TXLNG: variants seen among roughly 807,000 people sequenced by gnomAD.
The protein encoded by TXLNG is taxilin gamma.
TXLNG carries 5 observed loss-of-function variants against 38.8 expected under a neutral mutation model. The ratio of observed to expected loss-of-function variants is 0.13; its 90% CI spans 0.07 to 0.27. The LOEUF is 0.27. Ranked by LOEUF, TXLNG falls within the 10% of genes least tolerant of loss-of-function variation. TXLNG has a pLI of 1.00. For synonymous variants in TXLNG, 182 were observed against 158.2 expected (o/e 1.15, Z -1.13); for missense variants, 393 against 398.2 (o/e 0.99, Z 0.11).
intron 1 of TXLNG, among the ~76,000 whole-genome samples, chrX:16,812,396 CTT>C (rs58240070): frequency 1.6e-3 from 140 of 86,660 alleles, no homozygotes; most frequent in African/African-American, 3.3e-3. Context: ...ATATTTATTC[CTT>C]TTTTTTTTTT....
chrX:16,832,808 T>C (rs183843522), intron 6 of TXLNG, 66 bp downstream of exon 6: 2 of 1,126,237 alleles, frequency 1.8e-6, no homozygotes, highest in African/African-American at 3.7e-5. Flanking sequence ...ATTTGAAACA[T>C]CAAATTGTAA....
chrX:16,818,708 A>G lies in TXLNG; in HGVS notation c.237A>G (p.Ser79=). The G allele has an allele frequency of 8.3e-7, 1 of 1,212,008 alleles. No individual in the cohort carries two copies. The highest frequency in any genetic ancestry group is 1.8e-5 in the South Asian group (1 of 57,017). ...GTGGTGGCACAAGTAACAAGCATTC[A>G]TTGGAAGAGGATGAAGGCAGTGACT... The part of the protein sequence containing the change: ...SNCGGTSNKH[S]LEEDEGSDFI... Residue 79 remains serine, a synonymous_variant, in exon 2 of 10, where the codon TCA becomes TCG. Coordinates refer to ENST00000380122, the MANE Select transcript of TXLNG (RefSeq NM_018360.3).
intron 3 of TXLNG, among the ~76,000 whole-genome samples, chrX:16,820,800 C>T (rs912590855): frequency 2.7e-5 from 3 of 112,318 alleles, no homozygotes; most frequent in South Asian, 3.6e-4. Context: ...GACGGAGTCT[C>T]GCCTGTGGTC....
chrX:16,837,615 T>C lies in TXLNG; in HGVS notation c.1082T>C (p.Phe361Ser). 8.3e-7 allele frequency: 1 copy of C among 1,207,210 alleles called. No homozygotes were observed. The highest frequency in any genetic ancestry group is 1.1e-6 in the Non-Finnish European group (1 of 892,530). Residue 361 changes from phenylalanine to serine, a missense_variant, in exon 8 of 10, where the codon TTT becomes TCT. Coordinates refer to ENST00000380122, the MANE Select transcript of TXLNG (RefSeq NM_018360.3). Reference protein sequence around the residue: ...KQQLSLYMDKFEEFQTTMAKS... With the variant: ...KQQLSLYMDKSEEFQTTMAKS... ...TAGCTTTCTCTTTATATGGATAAGTTTGAAGAATTCCAGACTACCATGGCA... is the reference window on the plus strand; with the variant it reads ...TAGCTTTCTCTTTATATGGATAAGTCTGAAGAATTCCAGACTACCATGGCA...
chrX:16,832,851 C>A (rs900922539), intron 6 of TXLNG, 109 bp downstream of exon 6: 1 of 995,215 alleles, frequency 1.0e-6, no homozygotes, highest in Admixed American at 3.1e-5. Context: ...TCTATTCTAC[C>A]TTTAATGTAG....
At chrX:16,797,175 T>C (rs1420119779) in intron 1 of TXLNG, among the ~76,000 whole-genome samples, 1 of 108,950 alleles carries the variant, frequency 9.2e-6, no homozygotes, top group Non-Finnish European at 1.9e-5. Context: ...TCCCAGCTAC[T>C]TGGGAGGCTG....
chrX:16,803,861 A>G (rs912242073), intron 1 of TXLNG, among the ~76,000 whole-genome samples: 2 of 109,871 alleles, frequency 1.8e-5, no homozygotes, highest in Non-Finnish European at 3.8e-5. Flanking sequence ...CTGAGGCAGG[A>G]GAATCGCTTG....
intron 7 of TXLNG, 28 bp from the exon 8 acceptor site, chrX:16,837,565 A>T: frequency 3.6e-6 from 4 of 1,102,666 alleles, no homozygotes; most frequent in Non-Finnish European, 4.9e-6. Flanking sequence ...CATGGAACTC[A>T]GAATGTTTCA....
Position 16,841,442 on chromosome X carries a change from TAA to T in TXLNG, c.1265_1266del (p.Lys422ArgfsTer25). The stretch of plus-strand genomic sequence containing the variant: ...TTTTCTTACAGAAAACAGTCCGTGA[TAA>T]AGAGTACAAGGCCCTTCAAATAAAA... ...QMAEEKTVRD[K>X]EYKALQIKLE... On this transcript the variant is annotated frameshift_variant, in exon 10 of 10. Coordinates refer to ENST00000380122, the MANE Select transcript of TXLNG (RefSeq NM_018360.3). LOFTEE classifies it low-confidence loss of function (END_TRUNC). 8.3e-7 allele frequency: 1 copy of T among 1,202,725 alleles called. No homozygotes were observed. The highest frequency in any genetic ancestry group is 1.1e-6 in the Non-Finnish European group (1 of 891,551).
At chrX:16,790,491 C>T (rs1452681539) in intron 1 of TXLNG, among the ~76,000 whole-genome samples, 1 of 111,435 alleles carries the variant, frequency 9.0e-6, no homozygotes, top group Non-Finnish European at 1.9e-5. Flanking sequence ...TATGAGCCAC[C>T]ACACCTGGCC....
chrX:16,837,770 C>A (rs764896567), intron 8 of TXLNG, 85 bp downstream of exon 8: 4 of 726,733 alleles, frequency 5.5e-6, no homozygotes, highest in Admixed American at 3.6e-5. Flanking sequence ...TGCTGAGTTT[C>A]CTTTGTTATG....
chrX:16,834,420 A>G (rs911028596), intron 7 of TXLNG, 63 bp downstream of exon 7: 7 of 1,003,247 alleles, frequency 7.0e-6, no homozygotes, highest in African/African-American at 5.7e-5. Context: ...TTGATTCTGC[A>G]TATCTTCAAT....
intron 1 of TXLNG, among the ~76,000 whole-genome samples, chrX:16,794,483 CA>C (rs778196860): frequency 1.2e-4 from 13 of 111,584 alleles, no homozygotes; most frequent in Admixed American, 1.1e-3. Flanking sequence ...ACAGTACCTC[CA>C]AGTGTAATTT....
In TXLNG at chrX:16,829,613, G is replaced by C. The variant is rs1428973270; in HGVS notation, c.707G>C (p.Arg236Pro). 4 of 1,209,799 alleles carry C rather than the reference G, an allele frequency of 3.3e-6. No homozygotes were observed. The highest frequency in any genetic ancestry group is 4.5e-6 in the Non-Finnish European group (4 of 895,229). ...CAGCAGGCACGAGAGGAAGAAGAAC[G>C]ACGTAAAGAAGCAACTGCACATTTC... ...NMQQAREEEE[R>P]RKEATAHFQI... Residue 236 changes from arginine (R) to proline (P), a missense_variant, in exon 5 of 10, where the codon CGA becomes CCA. Transcript: ENST00000380122.
intron 4 of TXLNG, among the ~76,000 whole-genome samples, chrX:16,828,513 C>T (rs181694373): frequency 7.0e-4 from 79 of 112,124 alleles, no homozygotes; most frequent in Non-Finnish European, 1.3e-3. Context: ...CGGGAATCTA[C>T]GCTCAAGGCC....
chrX:16,841,526 T>C lies in TXLNG; in HGVS notation c.1347T>C (p.Asn449=), dbSNP rs146909764. ...TTCAGACAGAAAGGAATGAGCTCAA[T>C]GAGAAGGTGGAAGTCCTGAAAGAGC... The part of the protein sequence containing the change: ...RALQTERNEL[N]EKVEVLKEQV... Residue 449 remains asparagine, a synonymous_variant, in exon 10 of 10, where the codon AAT becomes AAC. Transcript: ENST00000380122. The C allele has an allele frequency of 2.1e-4, 250 of 1,209,735 alleles. 1 individual carries two copies. Among genetic ancestry groups the C allele is most frequent in the South Asian group, 4.6e-4 (26 of 56,818 alleles).
Position 16,837,694 on chromosome X carries a change from A to G in TXLNG, c.1152+9A>G, listed in dbSNP as rs1472342225. 6.1e-6 allele frequency: 7 copies of G among 1,149,169 alleles called. No individual in the cohort carries two copies. The highest frequency in any genetic ancestry group is 3.0e-5 in the East Asian group (1 of 33,282). 94.7% of individuals were successfully genotyped at this position (1,149,169 alleles called of 1,213,427 possible). ...GACAGGAAATGGAAAAGGTATTTACATATTTTTAGTAGAATAGTATATCAA... is the reference window on the plus strand; with the variant it reads ...GACAGGAAATGGAAAAGGTATTTACGTATTTTTAGTAGAATAGTATATCAA... On this transcript the variant is annotated intron_variant, in intron 8 of 9. Transcript: ENST00000380122.
chrX:16,786,674 T>C (rs1433424821), intron 1 of TXLNG, 85 bp downstream of exon 1: 43 of 573,806 alleles, frequency 7.5e-5, no homozygotes, highest in Non-Finnish European at 8.6e-5. Flanking sequence ...TCTCTCTCCC[T>C]GGTTACCTAT....
chrX:16,797,833 T>G (rs1378706675), intron 1 of TXLNG, among the ~76,000 whole-genome samples: 1 of 112,745 alleles, frequency 8.9e-6, no homozygotes, highest in Non-Finnish European at 1.9e-5. Context: ...CATGTTAACA[T>G]AAGTAACATT....
Sources: allele counts gnomAD v4.1 joint callset (sites outside exome capture counted in the v4.1 genomes callset), GRCh38; gene constraint gnomAD v4.1.1; transcripts MANE v1.5; gene names NCBI Gene and HGNC (gene_info 2026-07-23, HGNC 2026-07-21).